Variants in CATSPERG observed in about 807,000 individuals in gnomAD.
The protein encoded by CATSPERG is cation channel sperm-associated auxiliary subunit gamma.
In CATSPERG, 115 loss-of-function variants were observed where a neutral mutation model predicts 145.0. That is an observed-to-expected ratio of 0.79 (90% CI 0.68 to 0.93). The LOEUF is 0.93. Ranked by LOEUF, CATSPERG falls within the 40% of genes least tolerant of loss-of-function variation. The pLI is 0.00. For synonymous variants in CATSPERG, 588 were observed against 589.0 expected (o/e 1.00, Z 0.02); for missense variants, 1,296 against 1,490.1 (o/e 0.87, Z 2.14).
chr19:38,347,871 G>A (rs566978381), intron 7 of CATSPERG, among the ~76,000 whole-genome samples: 1 of 151,826 alleles, frequency 6.6e-6, no homozygotes, highest in African/African-American at 2.4e-5. Flanking sequence ...AACCTGGGAG[G>A]CGGAAGTTGC....
intron 14 of CATSPERG, chr19:38,359,907 T>A (rs1409946434): frequency 2.0e-5 from 21 of 1,049,520 alleles, no homozygotes; most frequent in Non-Finnish European, 2.3e-5. Flanking sequence ...AGGGCTGCAA[T>A]GGGGAAAATA....
At chr19:38,358,002 C>T in intron 11 of CATSPERG, 1 of 418,662 alleles carries the variant, frequency 2.4e-6, no homozygotes, top group South Asian at 3.4e-5. Context: ...CCTATAATCC[C>T]AGCTACTCCA....
chr19:38,341,172 C>T (rs765016131), intron 3 of CATSPERG, among the ~76,000 whole-genome samples: 3 of 152,006 alleles, frequency 2.0e-5, no homozygotes, highest in Non-Finnish European at 2.9e-5. Context: ...GCTTGATGGG[C>T]CATGGTGAGG....
Position 38,368,123 on chromosome 19 carries a change from G to C in CATSPERG, c.3006G>C (p.Glu1002Asp). The change falls in exon 26 of 29, where the codon GAG (glutamate) becomes GAC (aspartate). Residue 1002 changes from glutamate (E) to aspartate (D), a missense_variant. Glu to Asp is a conservative substitution (Grantham distance 45). Transcript: ENST00000409235. ...KDSAFHIMSHESPGIEWLCLE... is the reference protein window; with the variant it reads ...KDSAFHIMSHDSPGIEWLCLE... ...CAGCCTTTCACATCATGTCCCACGA[G>C]AGCCCAGGCATCGAGTGAGTGCGTA... The C allele has an allele frequency of 6.2e-7, 1 of 1,614,120 alleles. No individual in the cohort carries two copies. Among genetic ancestry groups the C allele is most frequent in the Non-Finnish European group, 8.5e-7 (1 of 1,180,018 alleles).
chr19:38,346,525 G>C lies in CATSPERG; in HGVS notation c.745G>C (p.Val249Leu). 1.3e-6 allele frequency: 2 copies of C among 1,551,680 alleles called. No individual in the cohort carries two copies. Among genetic ancestry groups the C allele is most frequent in the Non-Finnish European group, 1.7e-6 (2 of 1,146,948 alleles). ...GTGGCACACTGTGGACCAGTCACCT[G>C]TGCTTATCCTGGGAGGCATTCCCAA... ...PLWHTVDQSPVLILGGIPNEK... is the reference protein window; with the variant it reads ...PLWHTVDQSPLLILGGIPNEK... The change falls in exon 7 of 29, where the codon GTG (valine) becomes CTG (leucine). Residue 249 changes from valine (V) to leucine (L), a missense_variant. Val to Leu is a conservative substitution (Grantham distance 32). Transcript: ENST00000409235.
Position 38,337,434 on chromosome 19 carries a change from A to T in CATSPERG, c.200A>T (p.Glu67Val), listed in dbSNP as rs755090460. The T allele has an allele frequency of 3.9e-6, 6 of 1,552,074 alleles. No individual in the cohort carries two copies. Among genetic ancestry groups the T allele is most frequent in the Non-Finnish European group, 5.2e-6 (6 of 1,147,086 alleles). ...AGTGGTGTGAGCGACAGCTTCTTTG[A>T]GCAAGAGCCCGTGGACACAGTGAGC... ...GESGVSDSFF[E>V]QEPVDTVSSL... Residue 67 changes from glutamate to valine, a missense_variant, in exon 2 of 29, where the codon GAG becomes GTG. By Grantham distance (121) the Glu-to-Val change is moderately radical. Transcript: ENST00000409235.
At chr19:38,352,551 GC>G in intron 8 of CATSPERG, 119 bp downstream of exon 8, 1 of 1,004,608 alleles carries the variant, frequency 1.0e-6, no homozygotes, top group Non-Finnish European at 1.5e-6. Flanking sequence ...ACTTGCCAAG[GC>G]CCCAAATCAC....
intron 13 of CATSPERG, 78 bp downstream of exon 13, chr19:38,358,639 C>G: frequency 6.4e-7 from 1 of 1,565,000 alleles, no homozygotes. Context: ...CCTTTCAAGC[C>G]CAGGCTAGGC....
At position 38,352,423 on chromosome 19, in the gene CATSPERG, C is replaced by A. The variant is rs757166002; in HGVS notation, c.988C>A (p.Arg330Ser). 131 of 1,551,812 alleles carry A rather than the reference C, an allele frequency of 8.4e-5. No homozygotes were observed. Among genetic ancestry groups the A allele is most frequent in the Non-Finnish European group, 1.1e-4 (123 of 1,147,086 alleles). Residue 330 changes from arginine (R) to serine (S), a missense_variant, in exon 8 of 29, where the codon CGC becomes AGC. Physicochemically the swap from Arg to Ser is moderately radical, Grantham distance 110. Coordinates refer to ENST00000409235, the MANE Select transcript of CATSPERG (RefSeq NM_021185.5). ...CTATACCACACTCTATGAGAGAAAC[C>A]GCGGCAGTGGTGAGTGTGCTGTGGC... is the stretch of plus-strand genomic sequence containing the variant. The part of the protein sequence containing the change: ...GTYTTLYERN[R>S]GSGSWIRVLA...
chr19:38,347,940 C>CAA (rs887808428), intron 7 of CATSPERG, among the ~76,000 whole-genome samples: 6 of 102,542 alleles, frequency 5.9e-5, no homozygotes, highest in African/African-American at 1.1e-4. Context: ...GACTCTGTCT[C>CAA]AAAAAAAAAA....
At chr19:38,366,873 TA>T (rs1970459022) in intron 22 of CATSPERG, 3 of 369,078 alleles carry the variant, frequency 8.1e-6, no homozygotes, top group Middle Eastern at 1.5e-3. Flanking sequence ...TTTGTATTTT[TA>T]GTAGAGACAG....
At position 38,365,107 on chromosome 19, in the gene CATSPERG, C is replaced by G; in HGVS notation, c.2603C>G (p.Pro868Arg). ...TGCTTCCAGGAAACACACCTGGGGC[C>G]CCATATGCAAGTATTGGAGCTTGGG... The part of the protein sequence containing the change: ...GLCFQETHLG[P>R]HMQGNLMVPV... The change falls in exon 22 of 29, where the codon CCC becomes CGC. Residue 868 changes from proline (P) to arginine (R), a missense_variant. Transcript: ENST00000409235. 1 of 1,613,594 alleles carries G rather than the reference C, an allele frequency of 6.2e-7. No homozygotes were observed.
In CATSPERG at chr19:38,362,975, C is replaced by G; in HGVS notation, c.2475+143C>G. 3 of 630,018 alleles carry G rather than the reference C, an allele frequency of 4.8e-6. No individual in the cohort carries two copies. In the Admixed American group the frequency reaches 8.6e-5, roughly 18 times the overall value. 39.0% of individuals were successfully genotyped at this position (630,018 alleles called of 1,614,324 possible). ...GCATTCTTGGCCTCCTGGGCTCAAG[C>G]GATCCTCCTCCCTCAACCTCCTGAG... is the stretch of plus-strand genomic sequence containing the variant. On this transcript the variant is annotated intron_variant, in intron 20 of 28. Transcript: ENST00000409235.
At position 38,337,627 on chromosome 19, in the gene CATSPERG, A is replaced by T; in HGVS notation, c.305A>T (p.Asn102Ile). Residue 102 changes from asparagine (N) to isoleucine (I), a missense_variant, in exon 3 of 29, where the codon AAC becomes ATC. Asn to Ile is a moderately radical substitution (Grantham distance 149). Transcript: ENST00000409235. ...GGCTTCCCTTACTACCTGAAGATCAACTACTCCTGCGAGGAAAAGGTGAGT... is the reference window on the plus strand; with the variant it reads ...GGCTTCCCTTACTACCTGAAGATCATCTACTCCTGCGAGGAAAAGGTGAGT... Reference protein sequence around the residue: ...YLGFPYYLKINYSCEEKPSED... With the variant: ...YLGFPYYLKIIYSCEEKPSED... 6 of 1,551,762 alleles carry T rather than the reference A, an allele frequency of 3.9e-6. No individual in the cohort carries two copies. The highest frequency in any genetic ancestry group is 5.2e-6 in the Non-Finnish European group (6 of 1,147,002).
At position 38,344,899 on chromosome 19, in the gene CATSPERG, A is replaced by ATTTTT. The variant is rs1457655650; in HGVS notation, c.669+532_669+533insTTTTT. ...CACACACACATATATATATATATAT[A>ATTTTT]TATTTTTTTTTTTTTTTTTTTTTTT... On this transcript the variant is annotated intron_variant, in intron 6 of 28. Coordinates refer to ENST00000409235, the MANE Select transcript of CATSPERG (RefSeq NM_021185.5). Among the ~76,000 whole-genome samples the ATTTTT allele has an allele frequency of 1.6e-4, 15 of 93,056 alleles. 2 individuals are homozygous for ATTTTT. The highest frequency in any genetic ancestry group is 3.9e-4 in the South Asian group (1 of 2,540). 61.0% of individuals were successfully genotyped at this position (93,056 alleles called of 152,430 possible).
chr19:38,367,356 G>T, intron 23 of CATSPERG, 44 bp downstream of exon 23: 3 of 1,593,372 alleles, frequency 1.9e-6, no homozygotes, highest in Non-Finnish European at 2.6e-6. Context: ...CTGCCCTCTT[G>T]CCCCCACTAC....
chr19:38,340,557 T>G (rs1277840119), intron 3 of CATSPERG, among the ~76,000 whole-genome samples: 1 of 151,928 alleles, frequency 6.6e-6, no homozygotes, highest in African/African-American at 2.4e-5. Flanking sequence ...TGACCTCAGG[T>G]GATCCACCTG....
rs1197363088 is a variant in CATSPERG, at chr19:38,338,516, C to T, written c.324+870C>T. 2.0e-5 allele frequency among the ~76,000 whole-genome samples: 3 copies of T among 152,078 alleles called. No individual in the cohort carries two copies. The East Asian group carries it at 5.8e-4, about 29-fold the overall frequency. On this transcript the variant is annotated intron_variant, in intron 3 of 28. Coordinates refer to ENST00000409235, the MANE Select transcript of CATSPERG (RefSeq NM_021185.5). ...TATAATTCACACACCATAAAATTCA[C>T]CATTGTTATTTTTGTTATTTTTCTG...
intron 3 of CATSPERG, among the ~76,000 whole-genome samples, chr19:38,341,859 G>C (rs994061987): frequency 2.6e-5 from 4 of 151,976 alleles, no homozygotes; most frequent in African/African-American, 9.7e-5. Flanking sequence ...CTGAGATGGC[G>C]CCCTTATACT....
Sources: allele counts gnomAD v4.1 joint callset (sites outside exome capture counted in the v4.1 genomes callset), GRCh38; gene constraint gnomAD v4.1.1; transcripts MANE v1.5; gene names NCBI Gene and HGNC (gene_info 2026-07-23, HGNC 2026-07-21).